FNDC3B: variants seen among roughly 807,000 people sequenced by gnomAD.
FNDC3B encodes fibronectin type III domain containing 3B, also known as fibronectin type III domain-containing protein 3B.
FNDC3B carries 12 observed loss-of-function variants against 151.5 expected under a neutral mutation model. That is an observed-to-expected ratio of 0.08 (90% CI 0.05 to 0.13). The LOEUF (loss-of-function observed/expected upper bound fraction) is 0.13, where lower values mean the gene tolerates loss of function less well. Among genes scored for constraint, FNDC3B ranks in the 10% least tolerant of loss-of-function variants. The pLI is 1.00. For synonymous variants in FNDC3B, 528 were observed against 549.0 expected (o/e 0.96, Z 0.54); for missense variants, 1,214 against 1,505.3 (o/e 0.81, Z 3.20).
chr3:172,170,631 G>A (rs748890632), intron 3 of FNDC3B, among the ~76,000 whole-genome samples: 2 of 152,174 alleles, frequency 1.3e-5, no homozygotes, highest in Non-Finnish European at 2.9e-5. Context: ...CTATGAAAGA[G>A]GCAAGCTACA....
chr3:172,169,214 G>A (rs886633483), intron 3 of FNDC3B, among the ~76,000 whole-genome samples: 2 of 152,178 alleles, frequency 1.3e-5, no homozygotes, highest in South Asian at 4.1e-4. Flanking sequence ...ACCCTTGGAG[G>A]ATGTGGAATG....
chr3:172,165,001 G>A (rs2108624170), intron 3 of FNDC3B, among the ~76,000 whole-genome samples: 1 of 152,236 alleles, frequency 6.6e-6, no homozygotes, highest in East Asian at 1.9e-4. Context: ...AGATATCTTA[G>A]GAATAGTTAT....
chr3:172,061,507 C>T (rs1309570263), intron 1 of FNDC3B, among the ~76,000 whole-genome samples: 1 of 152,162 alleles, frequency 6.6e-6, no homozygotes, highest in African/African-American at 2.4e-5. Flanking sequence ...GCTGGGATTA[C>T]AGGCATGAGC....
chr3:172,225,736 A>G, intron 3 of FNDC3B: 1 of 202,198 alleles, frequency 4.9e-6, no homozygotes, highest in East Asian at 1.1e-4. Context: ...GTTGCTTGCC[A>G]GCAAAGATCA....
chr3:172,239,856 C>CTT (rs71179981), intron 4 of FNDC3B, among the ~76,000 whole-genome samples: 2,009 of 49,920 alleles, frequency 0.04, 487 homozygotes, highest in Non-Finnish European at 0.049. Flanking sequence ...CATTTTAGTT[C>CTT]TTTTTTTTTT....
At chr3:172,347,120 G>C in intron 20 of FNDC3B, 92 bp from the exon 21 acceptor site, 1 of 1,107,100 alleles carries the variant, frequency 9.0e-7, no homozygotes, top group Non-Finnish European at 1.3e-6. Flanking sequence ...GGGGCATGTT[G>C]CTCTCTTTCC....
At chr3:172,135,024 T>C (rs1056423671) in intron 3 of FNDC3B, among the ~76,000 whole-genome samples, 9 of 151,506 alleles carry the variant, frequency 5.9e-5, no homozygotes, top group African/African-American at 2.2e-4. Context: ...AAAAACTAGA[T>C]GAAAGTCACC....
At chr3:172,264,036 G>A (rs1395599014) in intron 6 of FNDC3B, among the ~76,000 whole-genome samples, 1 of 152,118 alleles carries the variant, frequency 6.6e-6, no homozygotes, top group East Asian at 1.9e-4. Context: ...ACCCAGGCTG[G>A]AGTGCAGTGG....
chr3:172,224,236 T>C (rs528340495), intron 3 of FNDC3B, among the ~76,000 whole-genome samples: 1 of 152,248 alleles, frequency 6.6e-6, no homozygotes, highest in African/African-American at 2.4e-5. Flanking sequence ...TCAAAAATGC[T>C]GAGGCTGACA....
At chr3:172,365,135 T>G (rs1412837641) in intron 23 of FNDC3B, among the ~76,000 whole-genome samples, 1 of 152,206 alleles carries the variant, frequency 6.6e-6, no homozygotes, top group African/African-American at 2.4e-5. Context: ...GAGAAACAAT[T>G]TGAGTTGGAT....
At chr3:172,062,884 G>T (rs917636946) in intron 1 of FNDC3B, among the ~76,000 whole-genome samples, 4 of 151,996 alleles carry the variant, frequency 2.6e-5, no homozygotes, top group African/African-American at 9.7e-5. Context: ...GGAGAATGAA[G>T]AATTAAGTGA....
intron 6 of FNDC3B, among the ~76,000 whole-genome samples, chr3:172,280,952 T>C (rs11919333): frequency 0.097 from 14,694 of 152,066 alleles, 780 homozygotes; most frequent in African/African-American, 0.14. Context: ...TCAACCTTCC[T>C]TTTACTAAAA....
intron 2 of FNDC3B, among the ~76,000 whole-genome samples, chr3:172,113,998 C>G (rs1226040445): frequency 1.3e-5 from 2 of 152,214 alleles, no homozygotes; most frequent in Non-Finnish European, 2.9e-5. Context: ...TAGGACAGGA[C>G]AACCCTTCTC....
chr3:172,331,283 G>T (rs962812680), intron 13 of FNDC3B, among the ~76,000 whole-genome samples: 2 of 152,170 alleles, frequency 1.3e-5, no homozygotes, highest in African/African-American at 4.8e-5. Context: ...ACAAGGTCCT[G>T]TGTGATTGGG....
chr3:172,124,383 G>A (rs1037493578), intron 2 of FNDC3B, among the ~76,000 whole-genome samples: 2 of 152,208 alleles, frequency 1.3e-5, no homozygotes, highest in African/African-American at 4.8e-5. Flanking sequence ...GAGCCACCAC[G>A]CCTGGGCCAA....
At chr3:172,341,254 A>G (rs1733305028) in intron 17 of FNDC3B, 23 bp downstream of exon 17, 1 of 1,519,676 alleles carries the variant, frequency 6.6e-7, no homozygotes. Context: ...TCCATATGAA[A>G]GTAAACCTCA....
intron 1 of FNDC3B, among the ~76,000 whole-genome samples, chr3:172,072,953 G>T (rs1026537659): frequency 6.6e-6 from 1 of 152,042 alleles, no homozygotes; most frequent in African/African-American, 2.4e-5. Context: ...TTTTTTCTTT[G>T]TGTTGATGAA....
At chr3:172,388,201 C>G (rs769179587) in intron 25 of FNDC3B, among the ~76,000 whole-genome samples, 3 of 152,132 alleles carry the variant, frequency 2.0e-5, no homozygotes, top group Non-Finnish European at 4.4e-5. Flanking sequence ...CCTCCAGCAG[C>G]CGAGTATGCA....
chr3:172,069,199 A>G (rs980752572), intron 1 of FNDC3B, among the ~76,000 whole-genome samples: 1 of 152,214 alleles, frequency 6.6e-6, no homozygotes, highest in African/African-American at 2.4e-5. Context: ...TCAATTTAGC[A>G]GGTCACTCTA....
Sources: gnomAD v4.1 joint callset for allele counts (sites outside exome capture counted in the v4.1 genomes callset) on GRCh38, gnomAD v4.1.1 for gene constraint, MANE v1.5 for transcripts, NCBI Gene and HGNC (gene_info 2026-07-23, HGNC 2026-07-21) for gene names.